The following DHX40 variants were observed in gnomAD, a reference collection of about 807,000 sequenced individuals.
DHX40 encodes probable ATP-dependent RNA helicase DHX40.
Under a neutral mutation model 89.6 loss-of-function variants are expected in DHX40, and 28 were observed. That is an observed-to-expected ratio of 0.31 (90% CI 0.23 to 0.43). DHX40 has a LOEUF of 0.43. Ranked by LOEUF, DHX40 falls within the 20% of genes least tolerant of loss-of-function variation. The probability of loss-of-function intolerance (pLI) is 1.00; values close to 1 mark genes in which losing one functional copy is unlikely to be tolerated. For missense variants in DHX40, 457 were observed against 844.0 expected, an observed-to-expected ratio of 0.54 and a Z score of 5.68; for synonymous variants, 226 against 283.6, an observed-to-expected ratio of 0.80 and a Z score of 2.04.
intron 12 of DHX40, among the ~76,000 whole-genome samples, chr17:59,591,183 G>A (rs1368289399): frequency 6.6e-6 from 1 of 151,630 alleles, no homozygotes; most frequent in Non-Finnish European, 1.5e-5. Flanking sequence ...GCGTGCACCT[G>A]TGTTGCCAGC....
At chr17:59,578,238 A>G (rs2048912187) in intron 8 of DHX40, among the ~76,000 whole-genome samples, 2 of 131,848 alleles carry the variant, frequency 1.5e-5, no homozygotes, top group Non-Finnish European at 3.2e-5. Flanking sequence ...TCTTCTGGGT[A>G]AAATGATCAC....
intron 17 of DHX40, 166 bp downstream of exon 17, chr17:59,605,840 C>A (rs368139744): frequency 1.4e-6 from 1 of 718,900 alleles, no homozygotes; most frequent in Admixed American, 2.1e-5. Context: ...TGGTGTGCAC[C>A]TGTAGTCCCA....
intron 11 of DHX40, 150 bp downstream of exon 11, chr17:59,586,383 C>A: frequency 3.7e-6 from 3 of 811,724 alleles, no homozygotes; most frequent in African/African-American, 1.8e-5. Context: ...GAAAAACCAG[C>A]CGGGCGCTGT....
At chr17:59,570,199 TTA>T (rs1298235794) in intron 2 of DHX40, among the ~76,000 whole-genome samples, 1 of 117,442 alleles carries the variant, frequency 8.5e-6, no homozygotes, top group Non-Finnish European at 1.6e-5. Context: ...ATATAATATA[TTA>T]TAATATATAT....
intron 12 of DHX40, among the ~76,000 whole-genome samples, chr17:59,596,483 C>A (rs2531944): frequency 2.1e-4 from 32 of 151,534 alleles, no homozygotes; most frequent in Middle Eastern, 3.4e-3. Context: ...CAGGAGAGTC[C>A]CTTGAACTTG....
Position 59,605,114 on chromosome 17 carries a change from G to A in DHX40, c.1902-1G>A. On this transcript the variant is annotated splice_acceptor_variant, in intron 15 of 17. Transcript: ENST00000251241. LOFTEE classifies it high-confidence loss of function. Reference sequence around the variant, plus strand: ...TTATCATTTTGTTTTTCTGTTTATAGATCTGTTGGGAGAACGTTTTGCACA... The same window carrying A: ...TTATCATTTTGTTTTTCTGTTTATAAATCTGTTGGGAGAACGTTTTGCACA... 6.2e-7 allele frequency: 1 copy of A among 1,613,862 alleles called. No homozygotes were observed. Among genetic ancestry groups the A allele is most frequent in the Non-Finnish European group, 8.5e-7 (1 of 1,179,870 alleles).
At chr17:59,567,285 G>C (rs1180153216) in intron 2 of DHX40, among the ~76,000 whole-genome samples, 1 of 152,024 alleles carries the variant, frequency 6.6e-6, no homozygotes, top group East Asian at 1.9e-4. Context: ...CTGATCCCCC[G>C]CACTAGACCC....
At chr17:59,566,922 C>G (rs570351167) in intron 2 of DHX40, 128 bp downstream of exon 2, 39 of 762,794 alleles carry the variant, frequency 5.1e-5, no homozygotes, top group Non-Finnish European at 7.4e-5. Context: ...TGGCACACCC[C>G]CTTCCCCTAT....
intron 1 of DHX40, 104 bp from the exon 2 acceptor site, chr17:59,566,523 G>A: frequency 1.7e-6 from 2 of 1,143,930 alleles, no homozygotes; most frequent in Non-Finnish European, 2.4e-6. Context: ...GGATGATCCC[G>A]TCCAGCCCTA....
chr17:59,580,714 G>T (rs6503928), intron 10 of DHX40, among the ~76,000 whole-genome samples: 65,275 of 148,148 alleles, frequency 0.44, 17,145 homozygotes, highest in African/African-American at 0.79. Context: ...TGCTGGAGCC[G>T]GGCAGGTAGA....
intron 14 of DHX40, among the ~76,000 whole-genome samples, chr17:59,600,540 A>AGATATATATTATAT (rs2143351783): frequency 6.6e-6 from 1 of 152,206 alleles, no homozygotes; most frequent in Non-Finnish European, 1.5e-5. Flanking sequence ...ATTTTGGTAA[A>AGATATATATTATAT]ATAATTAATA....
chr17:59,568,082 A>T (rs570144982), intron 2 of DHX40, among the ~76,000 whole-genome samples: 1 of 145,082 alleles, frequency 6.9e-6, no homozygotes, highest in East Asian at 2.1e-4. Flanking sequence ...AAATACAAAA[A>T]TTAGGCGTGG....
chr17:59,571,326 G>A (rs745452614), intron 3 of DHX40, among the ~76,000 whole-genome samples: 1 of 151,736 alleles, frequency 6.6e-6, no homozygotes, highest in Non-Finnish European at 1.5e-5. Flanking sequence ...GCACGGTGGT[G>A]CATGCCTGTA....
intron 8 of DHX40, among the ~76,000 whole-genome samples, chr17:59,578,036 A>G (rs2048909345): frequency 6.6e-6 from 1 of 152,172 alleles, no homozygotes; most frequent in African/African-American, 2.4e-5. Context: ...GGATGTAGTA[A>G]ATAGTGCTAT....
rs1334585436 is a variant in DHX40, at chr17:59,570,505, C to G, written c.281-13C>G. 1.9e-6 allele frequency: 3 copies of G among 1,580,620 alleles called. No individual in the cohort carries two copies. Among genetic ancestry groups the G allele is most frequent in the South Asian group, 1.2e-5 (1 of 86,932 alleles). On this transcript the variant is annotated splice_polypyrimidine_tract_variant and intron_variant, in intron 2 of 17. Coordinates refer to ENST00000251241, the MANE Select transcript of DHX40 (RefSeq NM_024612.5). ...CTAACATTGTTGTGTTTCTTTATCT[C>G]TGGTTTTGATAGGGTTTTCACAACA...
In DHX40 at chr17:59,605,658, T is replaced by C; in HGVS notation, c.2184T>C (p.Asn728=). 2.5e-6 allele frequency: 4 copies of C among 1,611,596 alleles called. No homozygotes were observed. Among genetic ancestry groups the C allele is most frequent in the Non-Finnish European group, 3.4e-6 (4 of 1,179,136 alleles). The part of the protein sequence containing the change: ...DARRRWTNKE[N]VKQLKDGISK... The stretch of plus-strand genomic sequence containing the variant: ...GAAGGAGATGGACAAATAAGGAAAA[T>C]GTAAAGCAGCTAAAGGGTGAGTAAA... The change falls in exon 17 of 18, where the codon AAT becomes AAC. Residue 728 remains asparagine (N), a synonymous_variant. Coordinates refer to ENST00000251241, the MANE Select transcript of DHX40 (RefSeq NM_024612.5).
chr17:59,572,379 G>A (rs1598140675), intron 3 of DHX40, among the ~76,000 whole-genome samples: 1 of 151,968 alleles, frequency 6.6e-6, no homozygotes, highest in African/African-American at 2.4e-5. Context: ...TGCTTGTTGA[G>A]TAACACATTT....
intron 3 of DHX40, 107 bp downstream of exon 3, chr17:59,570,770 A>G: frequency 8.3e-7 from 1 of 1,209,980 alleles, no homozygotes; most frequent in South Asian, 1.8e-5. Context: ...TGTAGCCTCT[A>G]CCTTCTGGGC....
intron 3 of DHX40, among the ~76,000 whole-genome samples, chr17:59,572,553 A>C (rs2048825268): frequency 1.3e-5 from 2 of 151,998 alleles, no homozygotes; most frequent in Non-Finnish European, 2.9e-5. Context: ...TAATTTTTAT[A>C]TGTTTATTAG....
Sources: gnomAD v4.1 joint callset for allele counts (sites outside exome capture counted in the v4.1 genomes callset) on GRCh38, gnomAD v4.1.1 for gene constraint, MANE v1.5 for transcripts, NCBI Gene and HGNC (gene_info 2026-07-23, HGNC 2026-07-21) for gene names.